The following SLC35F3 variants were observed in gnomAD, a reference collection of about 807,000 sequenced individuals.
The protein encoded by SLC35F3 is putative thiamine transporter SLC35F3.
In SLC35F3, 25 loss-of-function variants were observed where a neutral mutation model predicts 49.9. The ratio of observed to expected loss-of-function variants is 0.50; its 90% CI spans 0.37 to 0.70. The LOEUF is 0.70. SLC35F3 is among the 30% of genes least tolerant of loss of function. SLC35F3 has a pLI of 0.00. For synonymous variants in SLC35F3, 275 were observed against 265.4 expected, an observed-to-expected ratio of 1.04 and a Z score of -0.35; for missense variants, 525 against 639.8, an observed-to-expected ratio of 0.82 and a Z score of 1.94.
intron 2 of SLC35F3, among the ~76,000 whole-genome samples, chr1:234,056,104 T>C (rs377492719): frequency 1.3e-5 from 2 of 152,112 alleles, no homozygotes; most frequent in South Asian, 2.1e-4. Flanking sequence ...GAGTGTCTCT[T>C]TTACTTTTGT....
chr1:234,259,474 C>T (rs1347021737), intron 3 of SLC35F3, among the ~76,000 whole-genome samples: 2 of 152,064 alleles, frequency 1.3e-5, no homozygotes, highest in Non-Finnish European at 2.9e-5. Flanking sequence ...CTGAGGGGTC[C>T]TCCAGTTCCT....
intron 2 of SLC35F3, among the ~76,000 whole-genome samples, chr1:234,194,001 A>C (rs1329741626): frequency 4.6e-5 from 7 of 152,224 alleles, no homozygotes; most frequent in Non-Finnish European, 4.4e-5. Context: ...GTTGGTGGGA[A>C]TGTAAACTAG....
rs767322243 is a variant in SLC35F3, at chr1:234,231,754, T to A, written c.608+13T>A. ...AGCAGCGATACAGGTAGGCGCGTCC[T>A]GCATGAGGAGGCCTCCTGACCCCGG... On this transcript the variant is annotated intron_variant, in intron 3 of 7. Coordinates refer to ENST00000366618, the MANE Select transcript of SLC35F3 (RefSeq NM_173508.4). This position sits in a 1 kb window ranked among gnomAD's most constrained non-coding sequence, Gnocchi z 5.4. The A allele has an allele frequency of 6.3e-7, 1 of 1,583,086 alleles. No individual in the cohort carries two copies. Among genetic ancestry groups the A allele is most frequent in the South Asian group, 1.2e-5 (1 of 85,630 alleles).
chr1:233,913,954 T>C (rs1349978760), intron 2 of SLC35F3, among the ~76,000 whole-genome samples: 1 of 152,188 alleles, frequency 6.6e-6, no homozygotes, highest in African/African-American at 2.4e-5. Flanking sequence ...CAAATATGTG[T>C]TCTACAGGCA....
intron 2 of SLC35F3, among the ~76,000 whole-genome samples, chr1:234,006,496 A>G (rs12752324): frequency 0.14 from 21,108 of 152,036 alleles, 1,501 homozygotes; most frequent in Non-Finnish European, 0.16. Flanking sequence ...TAAACACCCA[A>G]TGTTTTCTCA....
At chr1:233,981,194 T>C (rs897610854) in intron 2 of SLC35F3, among the ~76,000 whole-genome samples, 1 of 152,178 alleles carries the variant, frequency 6.6e-6, no homozygotes, top group Non-Finnish European at 1.5e-5. Context: ...TATTAAGATT[T>C]CATCAGTTTT....
At position 234,320,335 on chromosome 1, in the gene SLC35F3, C is replaced by G; in HGVS notation, c.1237+148C>G. ...ATGCATACACACACACACACATACT[C>G]TCACATACATACTCACATATATTAT... On this transcript the variant is annotated intron_variant, in intron 7 of 7. Coordinates refer to ENST00000366618, the MANE Select transcript of SLC35F3 (RefSeq NM_173508.4). The surrounding 1 kb of genome is among the most constrained non-coding windows in gnomAD (Gnocchi z 4.8). The G allele has an allele frequency of 3.2e-6, 2 of 629,452 alleles. No individual in the cohort carries two copies. The highest frequency in any genetic ancestry group is 5.8e-6 in the Non-Finnish European group (2 of 345,106). 39.0% of individuals were successfully genotyped at this position (629,452 alleles called of 1,614,324 possible). A position where few individuals can be genotyped will look rare whatever the true frequency, so the allele number is the denominator to read the frequency against.
chr1:234,066,736 T>G (rs993684727), intron 2 of SLC35F3, among the ~76,000 whole-genome samples: 1 of 150,158 alleles, frequency 6.7e-6, no homozygotes, highest in African/African-American at 2.5e-5. Flanking sequence ...CCTCCCTCCC[T>G]TTCTCTCTCT....
intron 2 of SLC35F3, among the ~76,000 whole-genome samples, chr1:234,021,204 C>G (rs1361238250): frequency 6.8e-6 from 1 of 146,150 alleles, no homozygotes; most frequent in Non-Finnish European, 1.5e-5. Flanking sequence ...CTTGCACAAC[C>G]AGGTCACTGC....
At chr1:234,247,359 T>C (rs1667649466) in intron 3 of SLC35F3, among the ~76,000 whole-genome samples, 1 of 152,228 alleles carries the variant, frequency 6.6e-6, no homozygotes, top group Admixed American at 6.5e-5. Context: ...TGTTCCATTG[T>C]TCGGTAGGTT....
intron 2 of SLC35F3, among the ~76,000 whole-genome samples, chr1:233,998,042 G>A (rs901195995): frequency 4.6e-5 from 7 of 152,020 alleles, no homozygotes; most frequent in Admixed American, 2.0e-4. Context: ...GTGAGCCACC[G>A]CGCCCAGCCC....
chr1:234,135,106 A>T (rs1339935672), intron 2 of SLC35F3, among the ~76,000 whole-genome samples: 2 of 152,226 alleles, frequency 1.3e-5, no homozygotes, highest in Admixed American at 6.5e-5. Context: ...TGATCAGGGA[A>T]GGCCTCTGTA....
At chr1:233,959,868 C>G (rs1662765493) in intron 2 of SLC35F3, among the ~76,000 whole-genome samples, 1 of 152,206 alleles carries the variant, frequency 6.6e-6, no homozygotes, top group Non-Finnish European at 1.5e-5. Context: ...GATATCCTGA[C>G]TGTGATCAGT....
chr1:234,044,115 A>G (rs1009644184), intron 2 of SLC35F3, among the ~76,000 whole-genome samples: 3 of 152,158 alleles, frequency 2.0e-5, no homozygotes, highest in Admixed American at 1.3e-4. Flanking sequence ...CTCACTCTCA[A>G]GAGACTGGAA....
At chr1:233,906,000 T>A (rs774941400) in intron 2 of SLC35F3, among the ~76,000 whole-genome samples, 24 of 152,228 alleles carry the variant, frequency 1.6e-4, no homozygotes, top group Non-Finnish European at 3.1e-4. Flanking sequence ...TCTCTCTGTA[T>A]CCTTATCTCT....
intron 2 of SLC35F3, among the ~76,000 whole-genome samples, chr1:234,137,390 T>C (rs1665827252): frequency 6.6e-6 from 1 of 152,114 alleles, no homozygotes; most frequent in Non-Finnish European, 1.5e-5. Context: ...GCATGAGAGA[T>C]AAGCATCAAA....
chr1:234,285,216 A>G (rs541299359), intron 3 of SLC35F3: 2 of 409,498 alleles, frequency 4.9e-6, no homozygotes, highest in Admixed American at 2.8e-5. Flanking sequence ...GAACATGATC[A>G]AGGACATTTC....
At chr1:234,165,038 TTGTGTGTGTGTGTGTGTG>T (rs58676109) in intron 2 of SLC35F3, among the ~76,000 whole-genome samples, 11 of 137,878 alleles carry the variant, frequency 8.0e-5, no homozygotes, top group Middle Eastern at 3.8e-3. Context: ...TAGCTTCAAT[TTGTGTGTGTGTGTGTGTG>T]TGTGTGTGTG....
intron 2 of SLC35F3, among the ~76,000 whole-genome samples, chr1:234,227,392 C>CTTTTTTTTTTTTTT (rs369277069): frequency 1.8e-5 from 2 of 108,668 alleles, no homozygotes; most frequent in Admixed American, 1.2e-4. Flanking sequence ...CTCTTTCTTT[C>CTTTTTTTTTTTTTT]TTTTTTTTTT....
Sources: gnomAD v4.1 joint callset for allele counts (sites outside exome capture counted in the v4.1 genomes callset) on GRCh38, gnomAD v4.1.1 for gene constraint, Gnocchi (gnomAD v3.1) non-coding constraint, MANE v1.5 for transcripts, NCBI Gene and HGNC (gene_info 2026-07-23, HGNC 2026-07-21) for gene names.